SPAG16: variants seen among roughly 807,000 people sequenced by gnomAD.
SPAG16 encodes the protein sperm-associated antigen 16 protein.
Under a neutral mutation model 80.4 loss-of-function variants are expected in SPAG16, and 86 were observed. The ratio of observed to expected loss-of-function variants is 1.07; its 90% CI spans 0.90 to 1.28. The LOEUF is 1.28. SPAG16 is among the 50% of genes most tolerant of loss of function. The pLI is 0.00. For synonymous variants in SPAG16, 294 were observed against 265.9 expected, an observed-to-expected ratio of 1.11 and a Z score of -1.03; for missense variants, 870 against 765.3, an observed-to-expected ratio of 1.14 and a Z score of -1.61.
At chr2:214,239,305 G>T (rs1689302549) in intron 15 of SPAG16, 1 of 152,196 alleles carries the variant, frequency 6.6e-6, no homozygotes, top group Non-Finnish European at 1.5e-5. Flanking sequence ...ACTGGCATGA[G>T]CCACTGCACC....
intron 10 of SPAG16, among the ~76,000 whole-genome samples, chr2:213,810,926 C>G (rs2072113435): frequency 1.3e-5 from 2 of 152,108 alleles, no homozygotes; most frequent in Non-Finnish European, 2.9e-5. Context: ...AGTGAATAGG[C>G]TCCTGGTGAA....
chr2:213,804,715 A>AACTAACTAACTAACTG (rs2071651487), intron 10 of SPAG16, among the ~76,000 whole-genome samples: 1 of 151,646 alleles, frequency 6.6e-6, no homozygotes, highest in South Asian at 2.1e-4. Flanking sequence ...CTAACTAACT[A>AACTAACTAACTAACTG]ACTAACTAAC....
At chr2:214,307,857 A>G (rs1247674396) in intron 15 of SPAG16, among the ~76,000 whole-genome samples, 1 of 152,168 alleles carries the variant, frequency 6.6e-6, no homozygotes, top group African/African-American at 2.4e-5. Flanking sequence ...AAAAGAATGT[A>G]TATCTGTTGT....
intron 14 of SPAG16, among the ~76,000 whole-genome samples, chr2:214,134,882 C>G (rs1336233221): frequency 1.3e-5 from 2 of 152,200 alleles, no homozygotes; most frequent in East Asian, 3.9e-4. Context: ...TTAACCTCAT[C>G]ATTAATTCAC....
chr2:213,490,618 G>C (rs575337997), intron 10 of SPAG16, among the ~76,000 whole-genome samples: 1 of 152,012 alleles, frequency 6.6e-6, no homozygotes, highest in Non-Finnish European at 1.5e-5. Flanking sequence ...ATAAAATGGA[G>C]AGTATTTTTA....
At chr2:214,271,626 C>G (rs182700080) in intron 15 of SPAG16, among the ~76,000 whole-genome samples, 2 of 152,012 alleles carry the variant, frequency 1.3e-5, no homozygotes, top group African/African-American at 4.8e-5. Flanking sequence ...CATGGAAAAC[C>G]CTGTCTCTAC....
chr2:214,215,830 A>G (rs187920260), intron 15 of SPAG16, among the ~76,000 whole-genome samples: 52 of 152,294 alleles, frequency 3.4e-4, no homozygotes, highest in African/African-American at 1.2e-3. Context: ...TCTGACCTCT[A>G]CCTTGATTTT....
At chr2:214,039,004 C>T (rs1016317630) in intron 13 of SPAG16, among the ~76,000 whole-genome samples, 4 of 152,084 alleles carry the variant, frequency 2.6e-5, no homozygotes, top group Admixed American at 6.6e-5. Context: ...AATAAACATA[C>T]GTGTGCATGT....
chr2:214,155,508 C>CT (rs766645682), intron 15 of SPAG16, among the ~76,000 whole-genome samples: 94 of 145,918 alleles, frequency 6.4e-4, no homozygotes, highest in East Asian at 8.0e-4. Flanking sequence ...AAAAGATTTA[C>CT]TTTTTTTTTT....
chr2:213,298,324 AGTCT>A (rs762119042), intron 3 of SPAG16, among the ~76,000 whole-genome samples: 2 of 152,212 alleles, frequency 1.3e-5, no homozygotes, highest in African/African-American at 2.4e-5. Flanking sequence ...CCATAGACTT[AGTCT>A]GTTGGATATC....
At chr2:214,002,711 A>T (rs1289126601) in intron 12 of SPAG16, among the ~76,000 whole-genome samples, 1 of 152,196 alleles carries the variant, frequency 6.6e-6, no homozygotes, top group Non-Finnish European at 1.5e-5. Flanking sequence ...GAGCTCTGAT[A>T]TCCGACAGCA....
At chr2:214,278,462 C>T (rs1450793022) in intron 15 of SPAG16, among the ~76,000 whole-genome samples, 1 of 152,076 alleles carries the variant, frequency 6.6e-6, no homozygotes, top group Non-Finnish European at 1.5e-5. Flanking sequence ...CGGACCACAT[C>T]CTCTTTCAAG....
At chr2:213,470,663 C>T (rs2073028071) in intron 9 of SPAG16, among the ~76,000 whole-genome samples, 1 of 152,212 alleles carries the variant, frequency 6.6e-6, no homozygotes, top group Admixed American at 6.5e-5. Context: ...TGAGCCCATG[C>T]ATAACCTCCA....
Position 214,012,282 on chromosome 2 carries a change from A to ATTTTTTTTTTT in SPAG16, c.1401-1668_1401-1667insTTTTTTTTTTT, listed in dbSNP as rs1286363943. ...TACATATATATATATATATATATAT[A>ATTTTTTTTTTT]TATATATTTTTTTTTTTTTTTTTTT... On this transcript the variant is annotated intron_variant, in intron 12 of 15. Transcript: ENST00000331683. Among the ~76,000 whole-genome samples, 64 of 50,682 alleles carry ATTTTTTTTTTT rather than the reference A, an allele frequency of 1.3e-3. 3 individuals are homozygous for ATTTTTTTTTTT. The highest frequency in any genetic ancestry group is 2.0e-3 in the Admixed American group (8 of 4,016). 33.2% of individuals were successfully genotyped at this position (50,682 alleles called of 152,430 possible). A position where few individuals can be genotyped will look rare whatever the true frequency, so the allele number is the denominator to read the frequency against.
intron 13 of SPAG16, among the ~76,000 whole-genome samples, chr2:214,049,016 G>T (rs1451044756): frequency 6.6e-6 from 1 of 150,496 alleles, no homozygotes; most frequent in Non-Finnish European, 1.5e-5. Context: ...GCTGACTGCA[G>T]CCTTGAACTC....
intron 10 of SPAG16, among the ~76,000 whole-genome samples, chr2:213,836,856 C>T (rs900839058): frequency 7.2e-5 from 11 of 152,084 alleles, no homozygotes; most frequent in African/African-American, 2.7e-4. Flanking sequence ...TCAGGTGATC[C>T]CCCGGTCTCA....
chr2:214,085,368 G>C (rs2051656437), intron 13 of SPAG16, among the ~76,000 whole-genome samples: 1 of 119,960 alleles, frequency 8.3e-6, no homozygotes, highest in South Asian at 2.7e-4. Flanking sequence ...GACAGAGGGA[G>C]ATTCCACCTC....
At chr2:213,988,826 G>C (rs867823642) in intron 12 of SPAG16, among the ~76,000 whole-genome samples, 47 of 152,078 alleles carry the variant, frequency 3.1e-4, no homozygotes, top group African/African-American at 1.0e-3. Flanking sequence ...TACAGGGTTT[G>C]TGGTTTGCAA....
chr2:214,057,002 A>T (rs1248650641), intron 13 of SPAG16, among the ~76,000 whole-genome samples: 6 of 152,110 alleles, frequency 3.9e-5, no homozygotes, highest in Non-Finnish European at 1.5e-5. Flanking sequence ...CTCAGGCTTC[A>T]CTTCTGGTTC....
Sources: gnomAD v4.1 joint callset for allele counts (sites outside exome capture counted in the v4.1 genomes callset) on GRCh38, gnomAD v4.1.1 for gene constraint, MANE v1.5 for transcripts, NCBI Gene and HGNC (gene_info 2026-07-23, HGNC 2026-07-21) for gene names.